The following NAALADL2 variants were observed in gnomAD, a reference collection of about 807,000 sequenced individuals.
NAALADL2 encodes the protein N-acetylated alpha-linked acidic dipeptidase like 2, also known as inactive N-acetylated-alpha-linked acidic dipeptidase-like protein 2.
In NAALADL2, 76 loss-of-function variants were observed where a neutral mutation model predicts 87.2. The observed-to-expected ratio is 0.87, with a 90% CI of 0.72 to 1.05. The LOEUF (loss-of-function observed/expected upper bound fraction) is 1.05. NAALADL2 is among the 50% of genes least tolerant of loss of function. NAALADL2 has a pLI of 0.00. For synonymous variants in NAALADL2, 354 were observed against 331.0 expected (o/e 1.07, Z -0.75); for missense variants, 1,089 against 945.8 (o/e 1.15, Z -1.99).
chr3:174,577,160 A>G (rs1303192833), intron 2 of NAALADL2, among the ~76,000 whole-genome samples: 1 of 152,140 alleles, frequency 6.6e-6, no homozygotes, highest in Non-Finnish European at 1.5e-5. Flanking sequence ...ATGCCTACAT[A>G]TATAACACAT....
chr3:175,019,011 G>T (rs1313945486), intron 1 of NAALADL2, among the ~76,000 whole-genome samples: 3 of 151,928 alleles, frequency 2.0e-5, no homozygotes, highest in Admixed American at 2.0e-4. Context: ...TCTTCATTTT[G>T]TGAAATATCA....
chr3:175,561,305 G>A (rs929738388), intron 9 of NAALADL2, among the ~76,000 whole-genome samples: 2 of 152,094 alleles, frequency 1.3e-5, no homozygotes, highest in Admixed American at 1.3e-4. Context: ...CAACAGAAAT[G>A]CTATGTAAAT....
At chr3:175,003,755 T>C (rs1401866373) in intron 1 of NAALADL2, among the ~76,000 whole-genome samples, 1 of 152,222 alleles carries the variant, frequency 6.6e-6, no homozygotes, top group East Asian at 1.9e-4. Context: ...ATCAAAGTTA[T>C]CATAATAGTG....
chr3:174,771,115 A>G (rs1471811742), intron 3 of NAALADL2, among the ~76,000 whole-genome samples: 1 of 152,170 alleles, frequency 6.6e-6, no homozygotes. Context: ...TATTACTTTG[A>G]TCATTCATTC....
chr3:175,050,562 A>G (rs9830032), intron 1 of NAALADL2, among the ~76,000 whole-genome samples: 50,464 of 151,978 alleles, frequency 0.33, 8,605 homozygotes, highest in Middle Eastern at 0.46. Flanking sequence ...GACCAGAAAT[A>G]TACTGTGGGG....
intron 1 of NAALADL2, among the ~76,000 whole-genome samples, chr3:174,451,050 C>T (rs1022032629): frequency 2.6e-5 from 4 of 151,746 alleles, no homozygotes; most frequent in Admixed American, 6.6e-5. Flanking sequence ...AATGGTTATT[C>T]GATCTTGGAC....
intron 5 of NAALADL2, among the ~76,000 whole-genome samples, chr3:175,398,566 T>G (rs1770143727): frequency 1.3e-5 from 2 of 151,968 alleles, no homozygotes; most frequent in Admixed American, 1.3e-4. Flanking sequence ...GAAATTTTTC[T>G]TAGGATATCT....
chr3:174,509,720 A>C (rs1490311927), intron 1 of NAALADL2, among the ~76,000 whole-genome samples: 1 of 151,208 alleles, frequency 6.6e-6, no homozygotes, highest in Non-Finnish European at 1.5e-5. Context: ...GCCACCGAGC[A>C]CAGCTGTCTC....
At chr3:175,178,007 A>G (rs1331015638) in intron 2 of NAALADL2, among the ~76,000 whole-genome samples, 3 of 152,054 alleles carry the variant, frequency 2.0e-5, no homozygotes, top group Non-Finnish European at 4.4e-5. Context: ...GCTGTTTTGG[A>G]GCATGGATTC....
intron 10 of NAALADL2, among the ~76,000 whole-genome samples, chr3:175,601,385 A>G (rs1210797266): frequency 3.9e-5 from 6 of 152,308 alleles, no homozygotes; most frequent in African/African-American, 1.4e-4. Flanking sequence ...AAACAGCAAA[A>G]TGGTTTTTAT....
chr3:174,957,207 C>T (rs1268746776), intron 1 of NAALADL2, among the ~76,000 whole-genome samples: 2 of 152,004 alleles, frequency 1.3e-5, no homozygotes, highest in East Asian at 3.9e-4. Context: ...CCCGAGACTT[C>T]CTTGATAGCC....
At position 175,289,540 on chromosome 3, in the gene NAALADL2, C is replaced by A. The variant is rs763502085; in HGVS notation, c.939+33010C>A. Among the ~76,000 whole-genome samples the A allele has an allele frequency of 7.2e-5, 11 of 151,924 alleles. No homozygotes were observed. The East Asian group carries it at 2.1e-3, about 29-fold the overall frequency. ...ATTAAAAATATTCTAGCAGAAAACACGTGAAAAAACCTTTATAACCTTTAG... is the reference window on the plus strand; with the variant it reads ...ATTAAAAATATTCTAGCAGAAAACAAGTGAAAAAACCTTTATAACCTTTAG... On this transcript the variant is annotated intron_variant, in intron 4 of 13. Transcript: ENST00000454872.
chr3:175,360,107 A>G (rs1470963034), intron 5 of NAALADL2, among the ~76,000 whole-genome samples: 3 of 152,144 alleles, frequency 2.0e-5, no homozygotes, highest in Admixed American at 1.3e-4. Context: ...CCTATCTTAT[A>G]TATCTCCTAT....
Position 175,131,730 on chromosome 3 carries a change from C to T in NAALADL2, c.545+34439C>T, listed in dbSNP as rs140227952. Among the ~76,000 whole-genome samples, 82 of 147,598 alleles carry T rather than the reference C, an allele frequency of 5.6e-4. 1 individual carries two copies. The highest frequency in any genetic ancestry group is 1.9e-3 in the African/African-American group (74 of 40,000). On this transcript the variant is annotated intron_variant, in intron 2 of 13. Transcript: ENST00000454872. ...CCCAGTAGGGGTGGCCGGGCAGAGG[C>T]GCCCCTCACCCCCCGGACAGGGCGG... is the stretch of plus-strand genomic sequence containing the variant.
intron 4 of NAALADL2, among the ~76,000 whole-genome samples, chr3:175,318,869 A>C (rs752472611): frequency 2.0e-5 from 3 of 152,228 alleles, no homozygotes; most frequent in Non-Finnish European, 2.9e-5. Context: ...TGTCATGTAC[A>C]TGGAATTATA....
chr3:175,762,443 T>G (rs1748153786), intron 13 of NAALADL2, among the ~76,000 whole-genome samples: 1 of 152,192 alleles, frequency 6.6e-6, no homozygotes, highest in Non-Finnish European at 1.5e-5. Context: ...AAAATTTGTC[T>G]TTTTCTTCTT....
At chr3:175,127,596 C>T (rs6774132) in intron 2 of NAALADL2, among the ~76,000 whole-genome samples, 94,732 of 152,038 alleles carry the variant, frequency 0.62, 30,451 homozygotes, top group African/African-American at 0.8. Context: ...ATCTTAATTA[C>T]ACATTTTGTG....
chr3:174,657,443 G>A (rs1215572706), intron 2 of NAALADL2, among the ~76,000 whole-genome samples: 5 of 151,832 alleles, frequency 3.3e-5, no homozygotes, highest in Admixed American at 2.0e-4. Flanking sequence ...AGGCATGAGC[G>A]ACCCTGCCCG....
At chr3:175,582,228 A>G (rs1270690392) in intron 10 of NAALADL2, among the ~76,000 whole-genome samples, 4 of 152,180 alleles carry the variant, frequency 2.6e-5, no homozygotes, top group African/African-American at 7.2e-5. Flanking sequence ...TAAAAAAAAA[A>G]AAGAAGAATG....
Sources: allele counts gnomAD v4.1 joint callset (sites outside exome capture counted in the v4.1 genomes callset), GRCh38; gene constraint gnomAD v4.1.1; transcripts MANE v1.5; gene names NCBI Gene and HGNC (gene_info 2026-07-23, HGNC 2026-07-21).